The following LTBP1 variants were observed in gnomAD, a reference collection of about 807,000 sequenced individuals.
LTBP1 encodes latent-transforming growth factor beta-binding protein 1.
Under a neutral mutation model 207.6 loss-of-function variants are expected in LTBP1, and 129 were observed. That is an observed-to-expected ratio of 0.62 (90% CI 0.54 to 0.72). The LOEUF is 0.72. Ranked by LOEUF, LTBP1 falls within the 30% of genes least tolerant of loss-of-function variation. The pLI is 0.00. For synonymous variants in LTBP1, 963 were observed against 833.7 expected, an observed-to-expected ratio of 1.16 and a Z score of -2.67; for missense variants, 2,281 against 2,217.2, an observed-to-expected ratio of 1.03 and a Z score of -0.58.
chr2:33,312,440 G>A (rs573589099), intron 23 of LTBP1, among the ~76,000 whole-genome samples: 14 of 152,224 alleles, frequency 9.2e-5, no homozygotes, highest in African/African-American at 3.4e-4. Flanking sequence ...TAGAAATGTG[G>A]CAGGATACAT....
At chr2:33,008,319 C>T (rs1236140440) in intron 2 of LTBP1, among the ~76,000 whole-genome samples, 1 of 152,164 alleles carries the variant, frequency 6.6e-6, no homozygotes, top group Non-Finnish European at 1.5e-5. Flanking sequence ...GTGAATAGTA[C>T]TCTGTCTCAC....
At chr2:33,056,163 T>C (rs763852695) in intron 3 of LTBP1, among the ~76,000 whole-genome samples, 2 of 152,144 alleles carry the variant, frequency 1.3e-5, no homozygotes, top group Admixed American at 6.5e-5. Context: ...AGAGAGAATA[T>C]TGGGGCCAAG....
At position 33,173,951 on chromosome 2, in the gene LTBP1, A is replaced by G. The variant is rs1009360206; in HGVS notation, c.1202-12905A>G. ...GCAGAAAAGACCTTTGACAAAATTC[A>G]ACAACGCTTCATGCTAAAAACTCTC... On this transcript the variant is annotated intron_variant, in intron 5 of 33. Coordinates refer to ENST00000404816, the MANE Select transcript of LTBP1 (RefSeq NM_206943.4). 9.4e-3 allele frequency among the ~76,000 whole-genome samples: 1,320 copies of G among 140,454 alleles called. 27 individuals carry two copies. Among genetic ancestry groups the G allele is most frequent in the African/African-American group, 0.032 (1,262 of 39,720 alleles). 92.1% of individuals were successfully genotyped at this position (140,454 alleles called of 152,430 possible).
At position 33,262,782 on chromosome 2, in the gene LTBP1, C is replaced by A. The variant is rs2093055421; in HGVS notation, c.2479C>A (p.Pro827Thr). Residue 827 changes from proline (P) to threonine (T), a missense_variant, in exon 14 of 34, where the codon CCA becomes ACA. Physicochemically the swap from Pro to Thr is conservative, Grantham distance 38. Around this residue, in one of 3 missense-constraint regions of LTBP1, gnomAD observed 1,671 missense variants for 1,634.8 expected, o/e 1.02. Coordinates refer to ENST00000404816, the MANE Select transcript of LTBP1 (RefSeq NM_206943.4). Reference protein sequence around the residue: ...KLEPGQPQLSPGISTIHLHPQ... With the variant: ...KLEPGQPQLSTGISTIHLHPQ... Reference sequence around the variant, plus strand: ...TGAGCCTGGTCAACCCCAGCTGTCTCCAGGCATTTCCACTATTCATCTGCA... The same window carrying A: ...TGAGCCTGGTCAACCCCAGCTGTCTACAGGCATTTCCACTATTCATCTGCA... 1 of 1,606,748 alleles carries A rather than the reference C, an allele frequency of 6.2e-7. No homozygotes were observed. Among genetic ancestry groups the A allele is most frequent in the East Asian group, 2.2e-5 (1 of 44,678 alleles).
chr2:33,341,929 C>T (rs1034157601), intron 24 of LTBP1, among the ~76,000 whole-genome samples: 1 of 151,936 alleles, frequency 6.6e-6, no homozygotes, highest in African/African-American at 2.4e-5. Context: ...CTGTCATTAA[C>T]ATTTTCTTAA....
Position 32,976,062 on chromosome 2 carries a change from C to G in LTBP1, c.565+27117C>G, listed in dbSNP as rs531116342. ...TCCTTTAATCTTTGAAATTGCTGTCCTCTGGATGAGTTTTTTTGCTTTTAT... is the reference window on the plus strand; with the variant it reads ...TCCTTTAATCTTTGAAATTGCTGTCGTCTGGATGAGTTTTTTTGCTTTTAT... On this transcript the variant is annotated intron_variant, in intron 2 of 33. Transcript: ENST00000404816. 1.5e-4 allele frequency among the ~76,000 whole-genome samples: 23 copies of G among 152,202 alleles called. 1 individual carries two copies. The South Asian group carries it at 4.8e-3, about 32-fold the overall frequency.
intron 19 of LTBP1, chr2:33,291,742 T>TA (rs1161998590): frequency 1.3e-5 from 2 of 152,278 alleles, no homozygotes; most frequent in East Asian, 3.8e-4. Context: ...CACTCACAGA[T>TA]ACGTGTTTGC....
chr2:33,139,246 G>T (rs2150714701), intron 5 of LTBP1, among the ~76,000 whole-genome samples: 1 of 152,262 alleles, frequency 6.6e-6, no homozygotes, highest in South Asian at 2.1e-4. Context: ...TATGAGCCCT[G>T]TTGCTTTACT....
chr2:33,083,572 G>C (rs1221837768), intron 3 of LTBP1, among the ~76,000 whole-genome samples: 1 of 152,088 alleles, frequency 6.6e-6, no homozygotes, highest in Non-Finnish European at 1.5e-5. Flanking sequence ...GAGGCTCCTA[G>C]CATGGTCCCT....
chr2:33,056,827 A>C (rs112735603), intron 3 of LTBP1, among the ~76,000 whole-genome samples: 2 of 151,858 alleles, frequency 1.3e-5, no homozygotes, highest in Admixed American at 1.3e-4. Context: ...GGGGACCCGG[A>C]CGGGTTGCCA....
At chr2:33,215,035 C>T (rs1237639611) in intron 7 of LTBP1, among the ~76,000 whole-genome samples, 1 of 151,972 alleles carries the variant, frequency 6.6e-6, no homozygotes, top group Admixed American at 6.6e-5. Flanking sequence ...GTTTGATTGA[C>T]AGGACCGTTT....
At chr2:33,099,612 T>C (rs1012120542) in intron 3 of LTBP1, among the ~76,000 whole-genome samples, 9 of 152,184 alleles carry the variant, frequency 5.9e-5, no homozygotes, top group African/African-American at 2.2e-4. Context: ...TTTGGTAACA[T>C]TTGAGTTAGG....
At chr2:32,981,369 T>G (rs1309377776) in intron 2 of LTBP1, among the ~76,000 whole-genome samples, 9 of 152,242 alleles carry the variant, frequency 5.9e-5, no homozygotes, top group Non-Finnish European at 1.5e-5. Context: ...CAGGTGTTTC[T>G]GTTCCAGTAA....
At chr2:33,051,072 A>C (rs142789190) in intron 3 of LTBP1, among the ~76,000 whole-genome samples, 181 of 152,240 alleles carry the variant, frequency 1.2e-3, no homozygotes, top group African/African-American at 4.2e-3. Flanking sequence ...GTAATTCTTC[A>C]CACCATGATT....
intron 33 of LTBP1, 32 bp downstream of exon 33, chr2:33,397,314 A>T (rs1489554793): frequency 1.2e-6 from 2 of 1,611,272 alleles, no homozygotes; most frequent in Non-Finnish European, 1.7e-6. Context: ...TGGGACATTA[A>T]TTTTTTCCTG....
chr2:33,031,637 G>A lies in LTBP1; in HGVS notation c.863+10431G>A, dbSNP rs1340198599. Among the ~76,000 whole-genome samples, 4 of 152,216 alleles carry A rather than the reference G, an allele frequency of 2.6e-5. No homozygotes were observed. The East Asian group carries it at 7.7e-4, about 29-fold the overall frequency. ...AAAGGAACATTGACCAGAGTTGGAA[G>A]GACTTGGAAAAGTGAAGGAGAGTCT... On this transcript the variant is annotated intron_variant, in intron 3 of 33. Coordinates refer to ENST00000404816, the MANE Select transcript of LTBP1 (RefSeq NM_206943.4).
intron 24 of LTBP1, among the ~76,000 whole-genome samples, chr2:33,332,702 G>T (rs761920385): frequency 6.6e-6 from 1 of 151,884 alleles, no homozygotes; most frequent in Non-Finnish European, 1.5e-5. Flanking sequence ...GACTACAGGC[G>T]CCCACCACCA....
intron 24 of LTBP1, among the ~76,000 whole-genome samples, chr2:33,342,277 AT>A (rs1445847063): frequency 2.6e-5 from 4 of 152,200 alleles, no homozygotes; most frequent in African/African-American, 7.2e-5. Context: ...ATGGCTGTAA[AT>A]TGGTGGCATC....
chr2:33,078,862 C>CTTTTTTTTTTTTTTTTTTTTTTTTT (rs34843933), intron 3 of LTBP1, among the ~76,000 whole-genome samples: 22 of 106,886 alleles, frequency 2.1e-4, no homozygotes, highest in Admixed American at 3.9e-4. Flanking sequence ...CTTTTCTTTT[C>CTTTTTTTTTTTTTTTTTTTTTTTTT]TTTTTTTTTT....
Sources: allele counts gnomAD v4.1 joint callset (sites outside exome capture counted in the v4.1 genomes callset), GRCh38; gene constraint gnomAD v4.1.1; regional missense constraint gnomAD v4.1.1; transcripts MANE v1.5; gene names NCBI Gene and HGNC (gene_info 2026-07-23, HGNC 2026-07-21).